The following AK7 variants were observed in gnomAD, a reference collection of about 807,000 sequenced individuals.
The protein encoded by AK7 is ATP-AMP transphosphorylase 7.
Under a neutral mutation model 96.6 loss-of-function variants are expected in AK7, and 78 were observed. That is an observed-to-expected ratio of 0.81 (90% CI 0.67 to 0.97). The LOEUF (loss-of-function observed/expected upper bound fraction) is 0.97, where lower values mean the gene tolerates loss of function less well. AK7 is among the 50% of genes least tolerant of loss of function. The pLI, the probability that AK7 is intolerant of heterozygous loss-of-function variation, is 0.00. For synonymous variants in AK7, 302 were observed against 317.2 expected (o/e 0.95, Z 0.51); for missense variants, 855 against 887.9 (o/e 0.96, Z 0.47).
At chr14:96,474,544 T>C (rs1895074221) in intron 14 of AK7, among the ~76,000 whole-genome samples, 1 of 151,662 alleles carries the variant, frequency 6.6e-6, no homozygotes, top group Non-Finnish European at 1.5e-5. Context: ...GAGAATCACT[T>C]GAGTGTGGGA....
intron 2 of AK7, among the ~76,000 whole-genome samples, chr14:96,400,030 CTTTTTTTTTTTTTTTT>C (rs34001068): frequency 2.3e-5 from 2 of 86,346 alleles, no homozygotes; most frequent in Admixed American, 2.7e-4. Flanking sequence ...CAAAAACAAT[CTTTTTTTTTTTTTTTT>C]TTTTTTTTTT....
Position 96,451,533 on chromosome 14 carries a change from C to T in AK7, c.1061C>T (p.Thr354Ile). The T allele has an allele frequency of 6.3e-7, 1 of 1,594,422 alleles. No individual in the cohort carries two copies. The highest frequency in any genetic ancestry group is 1.1e-5 in the South Asian group (1 of 87,938). ...AQTGFVENIN[T>I]ILKEYKQSRG... ...ACAGGATTTGTGGAAAATATCAACA[C>T]TATCCTCAAGGAGTACAAGCAAAGC... The change falls in exon 10 of 18, where the codon ACT (threonine) becomes ATT (isoleucine). Residue 354 changes from threonine to isoleucine, a missense_variant. Thr to Ile is a moderately conservative substitution (Grantham distance 89). Transcript: ENST00000267584.
intron 5 of AK7, chr14:96,423,659 G>A (rs1052267327): frequency 3.2e-6 from 2 of 633,454 alleles, no homozygotes; most frequent in South Asian, 1.5e-5. Flanking sequence ...CACAGCTCGG[G>A]GCCTCCAGGA....
chr14:96,430,346 T>C (rs112103501), intron 5 of AK7, among the ~76,000 whole-genome samples: 2 of 151,894 alleles, frequency 1.3e-5, no homozygotes, highest in Non-Finnish European at 2.9e-5. Flanking sequence ...CCACTACGCC[T>C]GGCTAATTTT....
intron 5 of AK7, among the ~76,000 whole-genome samples, chr14:96,428,906 C>T (rs952579405): frequency 6.6e-6 from 1 of 151,936 alleles, no homozygotes; most frequent in Non-Finnish European, 1.5e-5. Context: ...TCTTCCATTC[C>T]GTAGGTTGCC....
chr14:96,478,720 C>A lies in AK7; in HGVS notation c.1753+58C>A. The A allele has an allele frequency of 2.6e-6, 4 of 1,546,790 alleles. No individual in the cohort carries two copies. In the East Asian group the frequency reaches 6.8e-5, roughly 26 times the overall value. On this transcript the variant is annotated intron_variant, in intron 15 of 17. Transcript: ENST00000267584. Reference sequence around the variant, plus strand: ...CCAGGACCCCCAGCAAAGCTTGGTGCAGGTCTAGCTGTAATTGTGGGGCTG... The same window carrying A: ...CCAGGACCCCCAGCAAAGCTTGGTGAAGGTCTAGCTGTAATTGTGGGGCTG...
chr14:96,403,077 C>G (rs1890508869), intron 2 of AK7, among the ~76,000 whole-genome samples: 1 of 151,528 alleles, frequency 6.6e-6, no homozygotes, highest in Non-Finnish European at 1.5e-5. Flanking sequence ...GATTGTGCCA[C>G]TGCACTCCAG....
chr14:96,437,309 A>C (rs547077468), intron 5 of AK7, among the ~76,000 whole-genome samples: 3 of 152,194 alleles, frequency 2.0e-5, no homozygotes, highest in Non-Finnish European at 4.4e-5. Context: ...GTATCAAAAC[A>C]TCTCATGCAC....
intron 5 of AK7, chr14:96,424,229 C>A (rs1891889523): frequency 2.2e-6 from 1 of 462,430 alleles, no homozygotes; most frequent in African/African-American, 2.1e-5. Flanking sequence ...CGGGGCCGAG[C>A]GGAGCGCGCA....
At chr14:96,411,709 C>A (rs1891038769) in intron 4 of AK7, among the ~76,000 whole-genome samples, 1 of 152,054 alleles carries the variant, frequency 6.6e-6, no homozygotes, top group Admixed American at 6.6e-5. Context: ...GGTATAGATA[C>A]AACAAGACCG....
intron 3 of AK7, among the ~76,000 whole-genome samples, chr14:96,407,613 G>A (rs1365548703): frequency 1.5e-5 from 2 of 129,060 alleles, no homozygotes; most frequent in East Asian, 4.8e-4. Context: ...ACAGAGTCTC[G>A]CTCTGTTGCC....
chr14:96,434,428 C>G (rs888578192), intron 5 of AK7, among the ~76,000 whole-genome samples: 18 of 20,414 alleles, frequency 8.8e-4, no homozygotes, highest in South Asian at 2.4e-3. Flanking sequence ...GTCTGTCTCT[C>G]TCTCTCTCTC....
At chr14:96,423,340 C>T (rs1283865210) in intron 5 of AK7, among the ~76,000 whole-genome samples, 1 of 152,114 alleles carries the variant, frequency 6.6e-6, no homozygotes, top group East Asian at 1.9e-4. Context: ...TTTTAACCTC[C>T]CTTAAAGATT....
intron 5 of AK7, among the ~76,000 whole-genome samples, chr14:96,429,552 C>T (rs1595402267): frequency 1.3e-5 from 2 of 152,270 alleles, no homozygotes; most frequent in Middle Eastern, 6.8e-3. Context: ...TTACCTTGGG[C>T]AGTATGGCCA....
At chr14:96,437,811 T>G in intron 5 of AK7, 24 bp from the exon 6 acceptor site, 3 of 1,573,798 alleles carry the variant, frequency 1.9e-6, no homozygotes, top group Non-Finnish European at 2.6e-6. Context: ...ATCCAGCTTT[T>G]TTTTTCTGTA....
rs376134950 is a variant in AK7, at chr14:96,450,142, C to T, written c.948+263C>T. ...GGTCAGAAAATGTATTTGGGCCGGGCGCGGTGATTCACGCCTATAATCCCA... is the reference window on the plus strand; with the variant it reads ...GGTCAGAAAATGTATTTGGGCCGGGTGCGGTGATTCACGCCTATAATCCCA... On this transcript the variant is annotated intron_variant, in intron 9 of 17. Coordinates refer to ENST00000267584, the MANE Select transcript of AK7 (RefSeq NM_152327.5). 2.6e-5 allele frequency among the ~76,000 whole-genome samples: 4 copies of T among 151,858 alleles called. No individual in the cohort carries two copies. In the East Asian group the frequency reaches 5.8e-4, roughly 22 times the overall value.
chr14:96,431,834 A>G (rs574368078), intron 5 of AK7, among the ~76,000 whole-genome samples: 4 of 152,238 alleles, frequency 2.6e-5, no homozygotes, highest in African/African-American at 9.6e-5. Flanking sequence ...TGTCTCATTG[A>G]TGTGTCTAAT....
At chr14:96,473,022 C>T (rs1376389303) in intron 14 of AK7, among the ~76,000 whole-genome samples, 1 of 152,048 alleles carries the variant, frequency 6.6e-6, no homozygotes, top group African/African-American at 2.4e-5. Context: ...ACAGAGATTG[C>T]AGTGAGCCGA....
At chr14:96,443,905 C>G (rs1221182435) in intron 7 of AK7, among the ~76,000 whole-genome samples, 1 of 151,764 alleles carries the variant, frequency 6.6e-6, no homozygotes, top group Non-Finnish European at 1.5e-5. Context: ...TCCCAAGTAG[C>G]TGGGACTACA....
Sources: allele counts gnomAD v4.1 joint callset (sites outside exome capture counted in the v4.1 genomes callset), GRCh38; gene constraint gnomAD v4.1.1; transcripts MANE v1.5; gene names NCBI Gene and HGNC (gene_info 2026-07-23, HGNC 2026-07-21).